The following BCOR variants were observed in gnomAD, a reference collection of about 807,000 sequenced individuals.
The protein encoded by BCOR is BCL6 corepressor, also known as BCL-6 corepressor.
Under a neutral mutation model 86.7 loss-of-function variants are expected in BCOR, and 10 were observed. That is an observed-to-expected ratio of 0.12 (90% CI 0.07 to 0.20). The LOEUF (loss-of-function observed/expected upper bound fraction) is 0.20, where lower values mean the gene tolerates loss of function less well. BCOR is among the 10% of genes least tolerant of loss of function. The pLI, the probability that BCOR is intolerant of heterozygous loss-of-function variation, is 1.00. For synonymous variants in BCOR, 611 were observed against 609.0 expected, an observed-to-expected ratio of 1.00 and a Z score of -0.05; for missense variants, 1,259 against 1,452.1, an observed-to-expected ratio of 0.87 and a Z score of 2.16.
At position 40,092,005 on chromosome X, in the gene BCOR, G is replaced by A. The variant is rs775973218; in HGVS notation, c.-41+5210C>T. On this transcript the variant is annotated intron_variant, in intron 1 of 14. Coordinates refer to ENST00000378444, the MANE Select transcript of BCOR (RefSeq NM_001123385.2). Reference sequence around the variant, plus strand: ...CTCCCACCCATCGGCGGCCCCCGGGGCACGAGTGTGACCTCGGGGCCTAAC... The same window carrying A: ...CTCCCACCCATCGGCGGCCCCCGGGACACGAGTGTGACCTCGGGGCCTAAC... Among the ~76,000 whole-genome samples the A allele has an allele frequency of 3.5e-5, 4 of 112,861 alleles. No homozygotes were observed. The East Asian group carries it at 8.5e-4, about 24-fold the overall frequency.
At chrX:40,116,528 CTAT>C (rs1937398715) in intron 1 of BCOR, among the ~76,000 whole-genome samples, 1 of 110,622 alleles carries the variant, frequency 9.0e-6, no homozygotes, top group South Asian at 3.9e-4. Flanking sequence ...AATAAAGGTA[CTAT>C]TATTATTCCC....
At chrX:40,121,967 C>T (rs1309700867) in intron 1 of BCOR, among the ~76,000 whole-genome samples, 2 of 111,871 alleles carry the variant, frequency 1.8e-5, no homozygotes, top group Non-Finnish European at 3.8e-5. Context: ...GCTTGCTGAC[C>T]GTTGAAGCTC....
Position 40,053,817 on chromosome X carries a change from C to T in BCOR, c.4976+69G>A, listed in dbSNP as rs148923231. ...CCCACCCACCCTCATCTGCTCAAAG[C>T]GCATTTCTAACTCCTGTCACCTCAA... is the stretch of plus-strand genomic sequence containing the variant. On this transcript the variant is annotated intron_variant, in intron 14 of 14. Coordinates refer to ENST00000378444, the MANE Select transcript of BCOR (RefSeq NM_001123385.2). The T allele has an allele frequency of 3.8e-3, 4,433 of 1,156,669 alleles. 96 individuals are homozygous for T. In the African/African-American group the frequency reaches 0.069, roughly 18 times the overall value.
intron 1 of BCOR, among the ~76,000 whole-genome samples, chrX:40,131,596 A>G (rs1364397075): frequency 5.4e-5 from 6 of 112,011 alleles, no homozygotes; most frequent in African/African-American, 2.0e-4. Context: ...GCAGTGAGCC[A>G]AGATCGCGCC....
chrX:40,055,664 C>T (rs928625260), intron 11 of BCOR, 151 bp from the exon 12 acceptor site: 3 of 608,100 alleles, frequency 4.9e-6, no homozygotes, highest in Non-Finnish European at 7.8e-6. Flanking sequence ...AGGAGGTGTG[C>T]ACAGTCACCG....
At chrX:40,157,288 T>A (rs1938317305) in intron 1 of BCOR, among the ~76,000 whole-genome samples, 1 of 111,750 alleles carries the variant, frequency 8.9e-6, no homozygotes, top group African/African-American at 3.3e-5. Flanking sequence ...CCAGGCCCGC[T>A]GTGGGGAAGG....
rs757268506 is a variant in BCOR, at chrX:40,084,882, G to A, written c.-40-6913C>T. 2.7e-5 allele frequency among the ~76,000 whole-genome samples: 3 copies of A among 112,532 alleles called. No individual in the cohort carries two copies. In the East Asian group the frequency reaches 8.4e-4, roughly 31 times the overall value. The stretch of plus-strand genomic sequence containing the variant: ...CTCACTGATTGTGCAGAGCCTGGGA[G>A]TCCCAGAAAGGCTGGGATGAGGGTC... On this transcript the variant is annotated intron_variant, in intron 1 of 14. Transcript: ENST00000378444.
At chrX:40,107,108 A>G (rs892564616) in intron 1 of BCOR, among the ~76,000 whole-genome samples, 3 of 112,430 alleles carry the variant, frequency 2.7e-5, no homozygotes, top group African/African-American at 9.7e-5. Context: ...GGGAAGAGAA[A>G]GTGTTTCTTT....
At chrX:40,054,213 C>A (rs202010863) in intron 13 of BCOR, 43 bp downstream of exon 13, 1 of 1,162,105 alleles carries the variant, frequency 8.6e-7, no homozygotes, top group Admixed American at 2.3e-5. Flanking sequence ...TGGACTTGAA[C>A]TTGTTCACCT....
intron 1 of BCOR, among the ~76,000 whole-genome samples, chrX:40,154,200 G>A (rs1395113264): frequency 8.9e-6 from 1 of 112,602 alleles, no homozygotes; most frequent in African/African-American, 3.2e-5. Context: ...CGGGAAGCGC[G>A]CTGTCCTTGA....
intron 1 of BCOR, among the ~76,000 whole-genome samples, chrX:40,159,654 G>C (rs1938371697): frequency 8.9e-6 from 1 of 112,148 alleles, no homozygotes; most frequent in Admixed American, 9.4e-5. Context: ...CCGGCCAAAA[G>C]TTTTAGAAAA....
chrX:40,168,742 G>C (rs1938557897), intron 1 of BCOR, among the ~76,000 whole-genome samples: 1 of 113,466 alleles, frequency 8.8e-6, no homozygotes, highest in Non-Finnish European at 1.9e-5. Context: ...CACGGAGCCA[G>C]GGCGGCCTCT....
At chrX:40,123,643 G>A (rs1477435200) in intron 1 of BCOR, among the ~76,000 whole-genome samples, 1 of 110,907 alleles carries the variant, frequency 9.0e-6, no homozygotes, top group East Asian at 2.8e-4. Flanking sequence ...GTGAGCCACC[G>A]CGCCCGGCCT....
At chrX:40,055,550 AGCCACACTTGC>A in intron 11 of BCOR, 37 bp from the exon 12 acceptor site, 1 of 1,206,060 alleles carries the variant, frequency 8.3e-7, no homozygotes, top group Non-Finnish European at 1.1e-6. Flanking sequence ...TGCTCATGCA[AGCCACACTTGC>A]TTATAAAGCA....
intron 1 of BCOR, among the ~76,000 whole-genome samples, chrX:40,139,466 T>TA (rs58633469): frequency 4.2e-4 from 2 of 4,722 alleles, no homozygotes; most frequent in African/African-American, 2.8e-3. Flanking sequence ...CATATATATA[T>TA]ATATATATAT....
chrX:40,135,469 C>T (rs1937660432), intron 1 of BCOR, among the ~76,000 whole-genome samples: 1 of 109,862 alleles, frequency 9.1e-6, no homozygotes, highest in Non-Finnish European at 1.9e-5. Flanking sequence ...CGGCTCACTG[C>T]AACCTCCACT....
rs144605800 is a variant in BCOR at position 40,150,872 on chromosome X, T to C, written c.-41+26135A>G. Among the ~76,000 whole-genome samples the C allele has an allele frequency of 2.4e-3, 276 of 112,666 alleles. 2 individuals are homozygous for C. Among genetic ancestry groups the C allele is most frequent in the African/African-American group, 7.7e-3 (240 of 31,032 alleles). On this transcript the variant is annotated intron_variant, in intron 1 of 14. Coordinates refer to the BCOR transcript ENST00000342274. ...TCTGCCATCATCAACAATATCTTCA[T>C]GATTCCTGCACTAGCAAACTGCTTC...
At position 40,073,074 on chromosome X, in the gene BCOR, G is replaced by A; in HGVS notation, c.2272C>T (p.Pro758Ser). The stretch of plus-strand genomic sequence containing the variant: ...TCGGAAAACCGATTCCGGAGGGTTG[G>A]GTCCTCGTAACGGGCTCTCTCATGG... ...RSHERARYED[P>S]TLRNRFSEIL... Residue 758 changes from proline to serine, a missense_variant, in exon 4 of 15, where the codon CCA becomes TCA. Around this residue, in one of 7 missense-constraint regions of BCOR, gnomAD observed 534 missense variants for 594.8 expected, o/e 0.90. Coordinates refer to ENST00000378444, the MANE Select transcript of BCOR (RefSeq NM_001123385.2). 8.3e-7 allele frequency: 1 copy of A among 1,211,946 alleles called. No homozygotes were observed. The highest frequency in any genetic ancestry group is 1.8e-5 in the South Asian group (1 of 57,004).
Position 40,145,895 on chromosome X carries a change from G to C in BCOR, c.-41+31112C>G, listed in dbSNP as rs201256019. Among the ~76,000 whole-genome samples the C allele has an allele frequency of 5.9e-3, 663 of 111,718 alleles. 1 individual carries two copies. Among genetic ancestry groups the C allele is most frequent in the Admixed American group, 0.01 (110 of 10,682 alleles). ...AGACCCCGGTGGGGAGGGTGGCTCCGGGGTCACCTCGACCGGGCCTCTGTT... is the reference window on the plus strand; with the variant it reads ...AGACCCCGGTGGGGAGGGTGGCTCCCGGGTCACCTCGACCGGGCCTCTGTT... On this transcript the variant is annotated intron_variant, in intron 1 of 14. Transcript: ENST00000342274.
Sources: gnomAD v4.1 joint callset for allele counts (sites outside exome capture counted in the v4.1 genomes callset) on GRCh38, gnomAD v4.1.1 for gene constraint, gnomAD v4.1.1 regional missense constraint, MANE v1.5 for transcripts, NCBI Gene and HGNC (gene_info 2026-07-23, HGNC 2026-07-21) for gene names.